Variants in COL5A2 observed in about 807,000 individuals in gnomAD.
COL5A2 encodes the protein collagen alpha-2(V) chain.
COL5A2 carries 23 observed loss-of-function variants against 208.2 expected under a neutral mutation model. The ratio of observed to expected loss-of-function variants is 0.11; its 90% CI spans 0.08 to 0.16. COL5A2 has a LOEUF of 0.16. COL5A2 is among the 10% of genes least tolerant of loss of function. The pLI, the probability that COL5A2 is intolerant of heterozygous loss-of-function variation, is 1.00. For synonymous variants in COL5A2, 625 were observed against 628.5 expected, an observed-to-expected ratio of 0.99 and a Z score of 0.08; for missense variants, 1,590 against 1,956.4, an observed-to-expected ratio of 0.81 and a Z score of 3.53.
intron 40 of COL5A2, among the ~76,000 whole-genome samples, 162 bp downstream of exon 40, chr2:189,052,587 A>C (rs770312180): frequency 3.9e-5 from 6 of 152,224 alleles, no homozygotes; most frequent in Non-Finnish European, 7.3e-5. Context: ...ATTTTAACCC[A>C]AATCTCCATC....
At chr2:189,296,780 A>G in the COL5A2 span, among the ~76,000 whole-genome samples, 2 of 152,206 alleles carry the variant, frequency 1.3e-5, no homozygotes, top group African/African-American at 4.8e-5. Flanking sequence ...ATATCAGCTC[A>G]TCCTTTTCAA....
At chr2:189,292,149 T>C in the COL5A2 span, among the ~76,000 whole-genome samples, 1 of 152,190 alleles carries the variant, frequency 6.6e-6, no homozygotes, top group Non-Finnish European at 1.5e-5. Flanking sequence ...GTAAACTAAT[T>C]TGATATCATT....
chr2:189,342,640 A>AACACAC, the COL5A2 span, among the ~76,000 whole-genome samples: 1,098 of 143,670 alleles, frequency 7.6e-3, 10 homozygotes, highest in African/African-American at 0.023. Context: ...AGAGAGCTAA[A>AACACAC]ACACACACAC....
the COL5A2 span, among the ~76,000 whole-genome samples, chr2:189,308,170 T>C: frequency 1.3e-5 from 2 of 152,012 alleles, no homozygotes; most frequent in Admixed American, 1.3e-4. Context: ...AAATCTCATG[T>C]GTATTGTAAG....
chr2:189,072,110 G>T lies in COL5A2; in HGVS notation c.1105-17C>A. 1 of 1,591,582 alleles carries T rather than the reference G, an allele frequency of 6.3e-7. No individual in the cohort carries two copies. The highest frequency in any genetic ancestry group is 8.6e-7 in the Non-Finnish European group (1 of 1,161,806). On this transcript the variant is annotated splice_polypyrimidine_tract_variant and intron_variant, in intron 17 of 53. Coordinates refer to ENST00000374866, the MANE Select transcript of COL5A2 (RefSeq NM_000393.5). ...AAGAGGACCCTATTAAAAGAAACCA[G>T]AAAAGTAATCAGACATGTATTCAAT...
the COL5A2 span, among the ~76,000 whole-genome samples, chr2:189,247,288 G>A: frequency 2.0e-5 from 3 of 152,318 alleles, no homozygotes; most frequent in African/African-American, 7.2e-5. Flanking sequence ...CAGGGATACA[G>A]AGTGGATTTT....
At chr2:189,284,866 T>C in the COL5A2 span, among the ~76,000 whole-genome samples, 1 of 152,078 alleles carries the variant, frequency 6.6e-6, no homozygotes, top group Non-Finnish European at 1.5e-5. Flanking sequence ...TGCAGTCCAT[T>C]GTTGACTACT....
At chr2:189,280,132 G>C in the COL5A2 span, among the ~76,000 whole-genome samples, 1 of 152,042 alleles carries the variant, frequency 6.6e-6, no homozygotes, top group Non-Finnish European at 1.5e-5. Context: ...CTCCAGAATT[G>C]TGAGAAACGA....
chr2:189,175,427 G>C (rs762876056), intron 1 of COL5A2, among the ~76,000 whole-genome samples: 9 of 151,820 alleles, frequency 5.9e-5, no homozygotes, highest in Non-Finnish European at 1.0e-4. Flanking sequence ...AAAATACCTA[G>C]AGATATGGGA....
At chr2:189,169,972 C>T (rs1688541857) in intron 1 of COL5A2, among the ~76,000 whole-genome samples, 1 of 152,198 alleles carries the variant, frequency 6.6e-6, no homozygotes, top group South Asian at 2.1e-4. Flanking sequence ...CCAGCTCGGC[C>T]TCTGAAAGTG....
chr2:189,080,791 T>C (rs1326272004), intron 13 of COL5A2, among the ~76,000 whole-genome samples, 199 bp downstream of exon 13: 1 of 152,204 alleles, frequency 6.6e-6, no homozygotes, highest in Non-Finnish European at 1.5e-5. Context: ...ATTCAAAATA[T>C]ATTTCTTTAT....
chr2:189,053,273 G>C, intron 38 of COL5A2, 151 bp downstream of exon 38: 1 of 791,048 alleles, frequency 1.3e-6, no homozygotes, highest in South Asian at 1.7e-5. Context: ...TTTTGTGCCA[G>C]TCTATAAAAA....
At chr2:189,119,907 T>G (rs1687467113) in intron 1 of COL5A2, among the ~76,000 whole-genome samples, 1 of 152,070 alleles carries the variant, frequency 6.6e-6, no homozygotes. Context: ...AAAGTGTGCC[T>G]CAGTTTTTCT....
intron 11 of COL5A2, among the ~76,000 whole-genome samples, chr2:189,084,585 A>AT (rs1686609987): frequency 6.6e-6 from 1 of 152,204 alleles, no homozygotes; most frequent in Non-Finnish European, 1.5e-5. Context: ...TGGCCTACCC[A>AT]TAATTTGATC....
the COL5A2 span, among the ~76,000 whole-genome samples, chr2:189,246,011 G>C: frequency 1.3e-5 from 2 of 152,102 alleles, no homozygotes; most frequent in Non-Finnish European, 2.9e-5. Flanking sequence ...GCACAGGTTT[G>C]TTGACATTGT....
upstream of COL5A2, among the ~76,000 whole-genome samples, chr2:189,181,399 C>A (rs993832913): frequency 2.6e-5 from 4 of 152,126 alleles, no homozygotes; most frequent in Non-Finnish European, 4.4e-5. Flanking sequence ...TAAGTAAGGA[C>A]CAAAAATCAC....
At chr2:189,172,717 A>C (rs548194735) in intron 1 of COL5A2, among the ~76,000 whole-genome samples, 5 of 152,288 alleles carry the variant, frequency 3.3e-5, no homozygotes, top group Non-Finnish European at 5.9e-5. Flanking sequence ...TTACGTTGCA[A>C]GTAGTGTTTC....
chr2:189,035,098 G>A lies in COL5A2; in HGVS notation c.4171C>T (p.Arg1391Cys), dbSNP rs759098736. The stretch of plus-strand genomic sequence containing the variant: ...TGGGAGGCTTCTTTTGATAAAAGGC[G>A]CAAAAAAGTCATCTGAGTAATGGCT... ...NTAITQMTFL[R>C]LLSKEASQNI... The change falls in exon 53 of 54, where the codon CGC becomes TGC. Residue 1391 changes from arginine (R) to cysteine (C), a missense_variant. Physicochemically the swap from Arg to Cys is radical, Grantham distance 180 (BLOSUM62 -3). Transcript: ENST00000374866. 11 of 1,613,634 alleles carry A rather than the reference G, an allele frequency of 6.8e-6. No homozygotes were observed. The highest frequency in any genetic ancestry group is 1.3e-5 in the African/African-American group (1 of 74,870).
the COL5A2 span, among the ~76,000 whole-genome samples, chr2:189,289,155 A>G: frequency 6.6e-6 from 1 of 152,086 alleles, no homozygotes; most frequent in Non-Finnish European, 1.5e-5. Context: ...CAGCCTGGCC[A>G]ACATGGTGAA....
Sources: allele counts gnomAD v4.1 joint callset (sites outside exome capture counted in the v4.1 genomes callset), GRCh38; gene constraint gnomAD v4.1.1; transcripts MANE v1.5; gene names NCBI Gene and HGNC (gene_info 2026-07-23, HGNC 2026-07-21).